FOXN3: variants seen among roughly 807,000 people sequenced by gnomAD.
The protein encoded by FOXN3 is forkhead box protein N3.
In FOXN3, 7 loss-of-function variants were observed where a neutral mutation model predicts 38.4. That is an observed-to-expected ratio of 0.18 (90% confidence interval 0.10 to 0.34). The LOEUF (loss-of-function observed/expected upper bound fraction) is 0.34, where lower values mean the gene tolerates loss of function less well. FOXN3 is among the 10% of genes least tolerant of loss of function. The pLI is 1.00. For synonymous variants in FOXN3, 230 were observed against 242.2 expected (o/e 0.95, Z 0.47); for missense variants, 456 against 613.4 (o/e 0.74, Z 2.71).
At chr14:89,608,838 G>A (rs1896333043) in intron 1 of FOXN3, among the ~76,000 whole-genome samples, 1 of 152,244 alleles carries the variant, frequency 6.6e-6, no homozygotes, top group Non-Finnish European at 1.5e-5. Flanking sequence ...TGGATTAGCA[G>A]ATCCAACTAA....
rs538265312 is a variant in FOXN3, at chr14:89,311,126, A to G, written c.681-30112T>C. 1.6e-3 allele frequency among the ~76,000 whole-genome samples: 231 copies of G among 146,588 alleles called. 1 individual carries two copies. Among genetic ancestry groups the G allele is most frequent in the Non-Finnish European group, 2.7e-3 (178 of 66,986 alleles). ...CGTCTAAAAAAAAAAAAAAAACCTGACATCTTTTAAAAAAAATCTTATATC... is the reference window on the plus strand; with the variant it reads ...CGTCTAAAAAAAAAAAAAAAACCTGGCATCTTTTAAAAAAAATCTTATATC... On this transcript the variant is annotated intron_variant, in intron 3 of 5. Coordinates refer to ENST00000557258, the MANE Select transcript of FOXN3 (RefSeq NM_005197.4).
chr14:89,370,669 G>A (rs1177499868), intron 2 of FOXN3, among the ~76,000 whole-genome samples: 1 of 152,208 alleles, frequency 6.6e-6, no homozygotes, highest in Non-Finnish European at 1.5e-5. Context: ...GGTTTGATGC[G>A]CATGTTCCAA....
At chr14:89,418,462 G>A (rs1204290975), upstream of FOXN3, among the ~76,000 whole-genome samples, 1 of 128,516 alleles carries the variant, frequency 7.8e-6, no homozygotes, top group African/African-American at 3.1e-5. Context: ...GGTTCAAGAG[G>A]GCAGGTGACA....
intron 1 of FOXN3, among the ~76,000 whole-genome samples, chr14:89,472,997 A>G (rs1055363484): frequency 7.9e-5 from 12 of 151,988 alleles, no homozygotes; most frequent in Non-Finnish European, 1.3e-4. Context: ...TTGCCCACCA[A>G]TGGAGGAGAA....
At chr14:89,354,387 G>A (rs1014787851) in intron 2 of FOXN3, among the ~76,000 whole-genome samples, 25 of 149,496 alleles carry the variant, frequency 1.7e-4, no homozygotes, top group African/African-American at 5.4e-4. Flanking sequence ...CACCACGCCC[G>A]GCTAATTTCT....
At chr14:89,224,648 A>T (rs775453806) in intron 4 of FOXN3, among the ~76,000 whole-genome samples, 8 of 152,242 alleles carry the variant, frequency 5.3e-5, no homozygotes, top group Non-Finnish European at 1.2e-4. Flanking sequence ...TATGTGCTAC[A>T]TGAATAACTG....
At chr14:89,445,397 T>G (rs1892472679) in intron 1 of FOXN3, among the ~76,000 whole-genome samples, 1 of 152,186 alleles carries the variant, frequency 6.6e-6, no homozygotes, top group Non-Finnish European at 1.5e-5. Flanking sequence ...CAGTGAGATT[T>G]GGGTAAGCAA....
intron 1 of FOXN3, among the ~76,000 whole-genome samples, chr14:89,507,824 TA>T (rs767394135): frequency 2.0e-5 from 3 of 152,012 alleles, no homozygotes; most frequent in Non-Finnish European, 4.4e-5. Context: ...TGTAGTGACG[TA>T]AGCCTGGAAA....
intron 2 of FOXN3, chr14:89,409,288 A>G (rs915086218): frequency 1.3e-5 from 2 of 149,030 alleles, no homozygotes; most frequent in African/African-American, 5.0e-5. Flanking sequence ...TGATACCTGA[A>G]TGTATCCGGA....
intron 1 of FOXN3, among the ~76,000 whole-genome samples, chr14:89,581,088 G>A (rs116577703): frequency 0.015 from 2,244 of 152,012 alleles, 50 homozygotes; most frequent in African/African-American, 0.051. Flanking sequence ...AGGCTGGGGT[G>A]GAAGGATCAC....
chr14:89,434,384 C>T (rs1036080309), intron 1 of FOXN3, among the ~76,000 whole-genome samples: 9 of 152,118 alleles, frequency 5.9e-5, no homozygotes, highest in African/African-American at 1.4e-4. Flanking sequence ...CCTGCCACCA[C>T]ACCCGGCTAA....
At chr14:89,582,819 C>T (rs1349000981) in intron 1 of FOXN3, among the ~76,000 whole-genome samples, 1 of 152,066 alleles carries the variant, frequency 6.6e-6, no homozygotes, top group African/African-American at 2.4e-5. Flanking sequence ...GCTTTCTGTC[C>T]TTATAGATGA....
intron 5 of FOXN3, among the ~76,000 whole-genome samples, chr14:89,177,974 A>G (rs10220603): frequency 0.53 from 81,090 of 151,814 alleles, 21,682 homozygotes; most frequent in South Asian, 0.59. Context: ...TTACCTAGTT[A>G]ATAACTTCCT....
intron 3 of FOXN3, among the ~76,000 whole-genome samples, chr14:89,314,054 A>C (rs1427453302): frequency 6.6e-6 from 1 of 152,208 alleles, no homozygotes; most frequent in East Asian, 1.9e-4. Flanking sequence ...CAACAGTGTG[A>C]ATATACTTAA....
intron 5 of FOXN3, among the ~76,000 whole-genome samples, chr14:89,165,471 G>A (rs979275286): frequency 7.2e-5 from 11 of 152,130 alleles, no homozygotes; most frequent in African/African-American, 2.4e-4. Context: ...ATTCTGGATC[G>A]GGAGGCGTAT....
At chr14:89,354,258 G>A (rs1218004748) in intron 2 of FOXN3, among the ~76,000 whole-genome samples, 1 of 150,456 alleles carries the variant, frequency 6.6e-6, no homozygotes, top group African/African-American at 2.4e-5. Flanking sequence ...ACAGAGTCTC[G>A]CTCTTGTTGC....
chr14:89,513,863 C>T (rs1390360325), intron 1 of FOXN3, among the ~76,000 whole-genome samples: 2 of 152,000 alleles, frequency 1.3e-5, no homozygotes, highest in Non-Finnish European at 2.9e-5. Context: ...TCCACTGTTA[C>T]ACCAATTCTA....
chr14:89,307,255 A>T (rs1887404590), intron 3 of FOXN3, among the ~76,000 whole-genome samples: 1 of 152,094 alleles, frequency 6.6e-6, no homozygotes, highest in South Asian at 2.1e-4. Flanking sequence ...TCACTAACCC[A>T]ATCCTCTCTC....
chr14:89,437,114 A>G (rs1181080055), intron 1 of FOXN3, among the ~76,000 whole-genome samples: 1 of 152,138 alleles, frequency 6.6e-6, no homozygotes, highest in African/African-American at 2.4e-5. Flanking sequence ...GGAAGGTTGC[A>G]GTGAGCCAAG....
Sources: gnomAD v4.1 joint callset for allele counts (sites outside exome capture counted in the v4.1 genomes callset) on GRCh38, gnomAD v4.1.1 for gene constraint, MANE v1.5 for transcripts, NCBI Gene and HGNC (gene_info 2026-07-23, HGNC 2026-07-21) for gene names.